EML6: variants seen among roughly 807,000 people sequenced by gnomAD.
The protein encoded by EML6 is EMAP like 6.
A neutral mutation model predicts 240.1 loss-of-function variants in EML6; 154 were observed. The ratio of observed to expected loss-of-function variants is 0.64; its 90% CI spans 0.56 to 0.73. The LOEUF is 0.73. Among genes scored for constraint, EML6 ranks in the 30% least tolerant of loss-of-function variants. The probability of loss-of-function intolerance (pLI) is 0.00; values close to 1 mark genes in which losing one functional copy is unlikely to be tolerated. For synonymous variants in EML6, 1,148 were observed against 899.0 expected (o/e 1.28, Z -4.95); for missense variants, 2,964 against 2,474.6 (o/e 1.20, Z -4.20).
At position 54,968,679 on chromosome 2, in the gene EML6, G is replaced by C. The variant is rs902018402; in HGVS notation, c.5763G>C (p.Lys1921Asn). 49 of 1,550,186 alleles carry C rather than the reference G, an allele frequency of 3.2e-5. No individual in the cohort carries two copies. The highest frequency in any genetic ancestry group is 5.9e-5 in the Admixed American group (3 of 50,996). Residue 1921 changes from lysine (K) to asparagine (N), a missense_variant, in exon 41 of 42, where the codon AAG becomes AAC. By Grantham distance (94) the Lys-to-Asn change is moderately conservative. Transcript: ENST00000356458. ...ACTTTTGCTCACAGGCCAAACATAA[G>C]CGATACTTCGGTCACTCGGCTCACG... ...FPCTEKFAKH[K>N]RYFGHSAHVT... is the part of the protein sequence containing the mutation.
chr2:54,917,244 C>T (rs1673965431), intron 26 of EML6, among the ~76,000 whole-genome samples: 2 of 152,120 alleles, frequency 1.3e-5, no homozygotes, highest in Non-Finnish European at 2.9e-5. Context: ...AGGATACTTC[C>T]ACAGATGAGG....
Position 54,911,015 on chromosome 2 carries a change from C to G in EML6, c.3471C>G (p.Gly1157=). Residue 1157 remains glycine, a synonymous_variant, in exon 25 of 42, where the codon GGC becomes GGG. Transcript: ENST00000356458. ...AACTTTTTTTTGAAGCTCCAAGAGG[C>G]AAACGGCATATAATAAGACCTTCAG... is the stretch of plus-strand genomic sequence containing the variant. ...REQLFFEAPR[G]KRHIIRPSEI... is the part of the protein sequence containing the mutation. 2 of 1,536,746 alleles carry G rather than the reference C, an allele frequency of 1.3e-6. No homozygotes were observed. Among genetic ancestry groups the G allele is most frequent in the Non-Finnish European group, 1.8e-6 (2 of 1,135,560 alleles).
chr2:54,841,819 C>T (rs1220847557), intron 7 of EML6, among the ~76,000 whole-genome samples: 1 of 148,094 alleles, frequency 6.8e-6, no homozygotes, highest in African/African-American at 2.7e-5. Flanking sequence ...TCTCAAGCTC[C>T]TGGCCTCAAG....
chr2:54,724,325 G>T lies in EML6; in HGVS notation c.-513-224G>T, dbSNP rs1682810158. ...TTGCATATTCGCCCTCGCTTATTAG[G>T]GAAACAGCAAGCGTTCCTTCAAATC... On this transcript the variant is annotated intron_variant, in intron 1 of 41. Coordinates refer to ENST00000356458, the MANE Select transcript of EML6 (RefSeq NM_001039753.4). This position sits in a 1 kb window ranked among gnomAD's most constrained non-coding sequence, Gnocchi z 5.2. Among the ~76,000 whole-genome samples the T allele has an allele frequency of 6.6e-6, 1 of 151,998 alleles. No individual in the cohort carries two copies. Among genetic ancestry groups the T allele is most frequent in the Non-Finnish European group, 1.5e-5 (1 of 68,004 alleles).
At chr2:54,894,516 C>A (rs1401688540) in intron 19 of EML6, among the ~76,000 whole-genome samples, 1 of 152,104 alleles carries the variant, frequency 6.6e-6, no homozygotes, top group Non-Finnish European at 1.5e-5. Context: ...TAATTTTAAA[C>A]TGTGATGTTA....
intron 28 of EML6, among the ~76,000 whole-genome samples, chr2:54,947,925 C>T (rs1025882706): frequency 2.0e-5 from 3 of 152,190 alleles, no homozygotes; most frequent in Admixed American, 1.3e-4. Flanking sequence ...TTGGAAAATG[C>T]TTGTGCATGA....
chr2:54,886,178 T>G (rs1366453543), intron 17 of EML6, among the ~76,000 whole-genome samples: 1 of 145,144 alleles, frequency 6.9e-6, no homozygotes, highest in African/African-American at 2.5e-5. Flanking sequence ...TTTTTTTTTT[T>G]TTCTTGAGAT....
intron 26 of EML6, among the ~76,000 whole-genome samples, chr2:54,924,927 C>G (rs778566178): frequency 6.8e-4 from 103 of 152,198 alleles, no homozygotes; most frequent in East Asian, 9.6e-4. Context: ...GAATCTCTTG[C>G]CAATGAATAT....
intron 2 of EML6, among the ~76,000 whole-genome samples, chr2:54,737,513 G>T (rs145887343): frequency 1.6e-4 from 24 of 152,190 alleles, no homozygotes; most frequent in African/African-American, 5.5e-4. Flanking sequence ...TGGCCAGGCT[G>T]GTCTTGAACT....
intron 2 of EML6, among the ~76,000 whole-genome samples, chr2:54,738,946 A>G (rs1271760396): frequency 6.6e-6 from 1 of 152,148 alleles, no homozygotes; most frequent in Non-Finnish European, 1.5e-5. Context: ...ATGGTTTTCC[A>G]AAGTGGTTGC....
Position 54,957,805 on chromosome 2 carries a change from G to T in EML6, c.4502G>T (p.Ser1501Ile). Residue 1501 changes from serine to isoleucine, a missense_variant, in exon 33 of 42, where the codon AGC (serine) becomes ATC (isoleucine). Coordinates refer to ENST00000356458, the MANE Select transcript of EML6 (RefSeq NM_001039753.4). Reference protein sequence around the residue: ...WRWQEGAKVASRGGHLERIFV... With the variant: ...WRWQEGAKVAIRGGHLERIFV... ...ACCCACACAGGTGCCAAGGTTGCCA[G>T]CCGAGGGGGTCACCTGGAGCGCATA... 1 of 1,549,900 alleles carries T rather than the reference G, an allele frequency of 6.5e-7. No individual in the cohort carries two copies. Among genetic ancestry groups the T allele is most frequent in the East Asian group, 2.4e-5 (1 of 40,930 alleles).
chr2:54,967,889 C>T (rs1311514366), intron 39 of EML6, among the ~76,000 whole-genome samples: 1 of 152,312 alleles, frequency 6.6e-6, no homozygotes, highest in East Asian at 1.9e-4. Flanking sequence ...GACTCTAATG[C>T]TGCGGCAGAT....
intron 29 of EML6, among the ~76,000 whole-genome samples, chr2:54,949,375 G>A (rs907508598): frequency 3.3e-5 from 5 of 152,112 alleles, no homozygotes; most frequent in African/African-American, 1.2e-4. Flanking sequence ...CCATAGCCAC[G>A]AAGCGTTTCA....
At chr2:54,823,850 T>TATTC (rs1553387708) in intron 5 of EML6, among the ~76,000 whole-genome samples, 3 of 72,262 alleles carry the variant, frequency 4.2e-5, no homozygotes, top group African/African-American at 1.6e-4. Context: ...CATTCATTCA[T>TATTC]TCTCTCTCTC....
chr2:54,762,825 T>C (rs1486141147), intron 2 of EML6, among the ~76,000 whole-genome samples: 6 of 152,220 alleles, frequency 3.9e-5, no homozygotes, highest in Non-Finnish European at 2.9e-5. Context: ...GAAATTCTGG[T>C]TCTTTTAGTG....
At chr2:54,837,949 G>A (rs1344014609) in intron 7 of EML6, among the ~76,000 whole-genome samples, 7 of 152,138 alleles carry the variant, frequency 4.6e-5, no homozygotes. Context: ...TATTAAATAC[G>A]AGCCTCTGCC....
At chr2:54,795,744 AAT>A (rs1669731469) in intron 2 of EML6, among the ~76,000 whole-genome samples, 1 of 152,204 alleles carries the variant, frequency 6.6e-6, no homozygotes, top group East Asian at 1.9e-4. Flanking sequence ...CCCCTAGCAT[AAT>A]ATGTGATTTC....
chr2:54,917,971 C>A (rs1008966514), intron 26 of EML6, among the ~76,000 whole-genome samples: 7 of 152,208 alleles, frequency 4.6e-5, no homozygotes, highest in Non-Finnish European at 1.0e-4. Context: ...TTGAGTTTTA[C>A]ACTTGTGTTA....
intron 2 of EML6, among the ~76,000 whole-genome samples, chr2:54,767,149 T>G (rs1668217176): frequency 6.6e-6 from 1 of 152,192 alleles, no homozygotes; most frequent in Admixed American, 6.5e-5. Flanking sequence ...TTGCTGTCAC[T>G]GTTTCTTTGA....
Sources: gnomAD v4.1 joint callset for allele counts (sites outside exome capture counted in the v4.1 genomes callset) on GRCh38, gnomAD v4.1.1 for gene constraint, Gnocchi (gnomAD v3.1) non-coding constraint, MANE v1.5 for transcripts, NCBI Gene and HGNC (gene_info 2026-07-23, HGNC 2026-07-21) for gene names.